ADAM9: variants seen among roughly 807,000 people sequenced by gnomAD.
The protein encoded by ADAM9 is ADAM metallopeptidase domain 9.
ADAM9 carries 54 observed loss-of-function variants against 108.1 expected under a neutral mutation model. The ratio of observed to expected loss-of-function variants is 0.50; its 90% CI spans 0.40 to 0.63. ADAM9 has a LOEUF of 0.63. Ranked by LOEUF, ADAM9 falls within the 20% of genes least tolerant of loss-of-function variation. The probability of loss-of-function intolerance (pLI) is 0.00; values close to 1 mark genes in which losing one functional copy is unlikely to be tolerated. For synonymous variants in ADAM9, 316 were observed against 336.0 expected (o/e 0.94, Z 0.65); for missense variants, 830 against 997.7 (o/e 0.83, Z 2.26).
In ADAM9 at chr8:39,023,210, A is replaced by C; in HGVS notation, c.799A>C (p.Asn267His). The change falls in exon 9 of 22, where the codon AAT becomes CAT. Residue 267 changes from asparagine to histidine, a missense_variant. Asn to His is a moderately conservative substitution (Grantham distance 68). Transcript: ENST00000487273. ...IVLVGLEIWTNGNLINIVGGA... is the reference protein window; with the variant it reads ...IVLVGLEIWTHGNLINIVGGA... The stretch of plus-strand genomic sequence containing the variant: ...GCTAGTTGGACTGGAGATTTGGACC[A>C]ATGGAAACCTGATCAACATAGTTGG... 1 of 1,613,878 alleles carries C rather than the reference A, an allele frequency of 6.2e-7. No individual in the cohort carries two copies. Among genetic ancestry groups the C allele is most frequent in the Non-Finnish European group, 8.5e-7 (1 of 1,179,908 alleles).
intron 11 of ADAM9, among the ~76,000 whole-genome samples, chr8:39,041,495 TC>T (rs11292840): frequency 0.42 from 64,486 of 151,968 alleles, 14,493 homozygotes; most frequent in East Asian, 0.73. Flanking sequence ...TTTGCAGAGC[TC>T]CTAATAAGTG....
chr8:39,099,098 G>A (rs144961028), intron 20 of ADAM9, among the ~76,000 whole-genome samples: 170 of 152,150 alleles, frequency 1.1e-3, no homozygotes, highest in African/African-American at 3.7e-3. Context: ...GTATCACCAC[G>A]GGCCTTCCTT....
At position 39,019,474 on chromosome 8, in the gene ADAM9, C is replaced by G. The variant is rs534436191; in HGVS notation, c.672+556C>G. Among the ~76,000 whole-genome samples, 46 of 152,240 alleles carry G rather than the reference C, an allele frequency of 3.0e-4. No individual in the cohort carries two copies. The Middle Eastern group carries it at 0.017, about 56-fold the overall frequency. ...TTTAACTAAGAGAAGTAATGTGTCC[C>G]TATTTTGGCATTTACAGGATTATCA... On this transcript the variant is annotated intron_variant, in intron 7 of 21. Coordinates refer to ENST00000487273, the MANE Select transcript of ADAM9 (RefSeq NM_003816.3).
At chr8:39,045,014 GTGTATGTGTGTGTGCATACATACATA>G (rs1837591540) in intron 12 of ADAM9, among the ~76,000 whole-genome samples, 1 of 102,572 alleles carries the variant, frequency 9.7e-6, no homozygotes, top group Non-Finnish European at 2.0e-5. Flanking sequence ...ACCTATGTAT[GTGTATGTGTGTGTGCATACATACATA>G]TGTATGTGTA....
In ADAM9 at chr8:39,025,872, C is replaced by T. The variant is rs776927410; in HGVS notation, c.984C>T (p.Gly328=). The T allele has an allele frequency of 4.2e-5, 68 of 1,613,832 alleles. No individual in the cohort carries two copies. The highest frequency in any genetic ancestry group is 8.0e-5 in the African/African-American group (6 of 74,866). Residue 328 remains glycine, a synonymous_variant, in exon 10 of 22, where the codon GGC becomes GGT. Transcript: ENST00000487273. ...CAGTGTGTTCAAGGAGCCACGCAGG[C>T]GGGATTAATGTGGTACGTTGTTCTT... The part of the protein sequence containing the change: ...VGTVCSRSHA[G]GINVFGQITV...
chr8:39,059,624 A>G (rs1283698354), intron 14 of ADAM9, among the ~76,000 whole-genome samples: 1 of 152,248 alleles, frequency 6.6e-6, no homozygotes, highest in Non-Finnish European at 1.5e-5. Flanking sequence ...ATGGGACACA[A>G]ATATCTTTGC....
intron 16 of ADAM9, among the ~76,000 whole-genome samples, chr8:39,078,129 G>T (rs897376331): frequency 6.6e-6 from 1 of 151,886 alleles, no homozygotes; most frequent in African/African-American, 2.4e-5. Flanking sequence ...GGGCCTTCAA[G>T]TTACTTCACT....
At chr8:39,091,413 A>G (rs1462695606) in intron 20 of ADAM9, 67 bp downstream of exon 20, 11 of 1,352,874 alleles carry the variant, frequency 8.1e-6, no homozygotes, top group Non-Finnish European at 1.1e-6. Context: ...AGGATTAAAA[A>G]CACAGTTATA....
chr8:39,070,646 T>C (rs145724398), intron 14 of ADAM9, among the ~76,000 whole-genome samples: 5 of 151,886 alleles, frequency 3.3e-5, no homozygotes, highest in Non-Finnish European at 7.4e-5. Context: ...TAGTTCTAGC[T>C]GTTTGGGAGG....
At position 39,017,205 on chromosome 8, in the gene ADAM9, A is replaced by T; in HGVS notation, c.411-14A>T. On this transcript the variant is annotated splice_polypyrimidine_tract_variant and intron_variant, in intron 5 of 21. Coordinates refer to ENST00000487273, the MANE Select transcript of ADAM9 (RefSeq NM_003816.3). ...TTTTTCTTAAAATTTGTATACGTGTAATGCAACATTCAGAGGATTGCTGCA... is the reference window on the plus strand; with the variant it reads ...TTTTTCTTAAAATTTGTATACGTGTTATGCAACATTCAGAGGATTGCTGCA... 6.2e-7 allele frequency: 1 copy of T among 1,614,006 alleles called. No homozygotes were observed. Among genetic ancestry groups the T allele is most frequent in the Non-Finnish European group, 8.5e-7 (1 of 1,179,878 alleles).
intron 1 of ADAM9, among the ~76,000 whole-genome samples, chr8:39,007,260 T>C (rs1223741916): frequency 2.0e-5 from 3 of 152,170 alleles, no homozygotes; most frequent in Non-Finnish European, 2.9e-5. Context: ...CTCTTTCTCC[T>C]ACCCTGGCCC....
intron 18 of ADAM9, among the ~76,000 whole-genome samples, chr8:39,086,948 T>A (rs1839197543): frequency 6.6e-6 from 1 of 152,244 alleles, no homozygotes. Flanking sequence ...CCTAGTCCTG[T>A]GTGAGCTGTG....
chr8:39,028,317 A>G (rs554224092), intron 11 of ADAM9, among the ~76,000 whole-genome samples: 2 of 152,206 alleles, frequency 1.3e-5, no homozygotes, highest in Non-Finnish European at 2.9e-5. Context: ...TAGGCTCAAA[A>G]ATAGATATGG....
In ADAM9 at chr8:39,090,124, A is replaced by G. The variant is rs1001016233; in HGVS notation, c.2146A>G (p.Ile716Val). ...IVPLIVCAIFIFIKRDQLWRS... is the reference protein window; with the variant it reads ...IVPLIVCAIFVFIKRDQLWRS... Reference sequence around the variant, plus strand: ...TCCCCTTATTGTCTGTGCTATTTTTATCTTCATCAAGAGGGATCAACTGTG... The same window carrying G: ...TCCCCTTATTGTCTGTGCTATTTTTGTCTTCATCAAGAGGGATCAACTGTG... The change falls in exon 19 of 22, where the codon ATC becomes GTC. Residue 716 changes from isoleucine to valine, a missense_variant. Physicochemically the swap from Ile to Val is conservative, Grantham distance 29. Transcript: ENST00000487273. The G allele has an allele frequency of 6.8e-6, 11 of 1,613,920 alleles. No homozygotes were observed. In the East Asian group the frequency reaches 1.1e-4, roughly 16 times the overall value.
Position 39,082,604 on chromosome 8 carries a change from A to T in ADAM9, c.1882-37A>T, listed in dbSNP as rs755567546. The T allele has an allele frequency of 2.3e-5, 36 of 1,547,552 alleles. No individual in the cohort carries two copies. The Admixed American group carries it at 2.4e-4, about 10-fold the overall frequency. On this transcript the variant is annotated intron_variant, in intron 16 of 21. Transcript: ENST00000487273. ...TGGGTACTTTTTAATGACTGTGCTC[A>T]ATCTTTCTTTACTTAGTTCATTTTT...
In ADAM9 at chr8:39,053,493, G is replaced by T. The variant is rs1467928727; in HGVS notation, c.1303-988G>T. Among the ~76,000 whole-genome samples, 4 of 152,092 alleles carry T rather than the reference G, an allele frequency of 2.6e-5. No individual in the cohort carries two copies. In the South Asian group the frequency reaches 8.3e-4, roughly 32 times the overall value. ...TTGACTTTTTTTGGGTATATTTCAA[G>T]ATGTACATTAAAGTTCATTTATTTT... On this transcript the variant is annotated intron_variant, in intron 12 of 21. Coordinates refer to ENST00000487273, the MANE Select transcript of ADAM9 (RefSeq NM_003816.3).
intron 1 of ADAM9, among the ~76,000 whole-genome samples, chr8:39,000,318 A>G (rs987407651): frequency 4.6e-5 from 7 of 152,168 alleles, no homozygotes; most frequent in Non-Finnish European, 8.8e-5. Flanking sequence ...GAATGGGTCT[A>G]ATGTGGACCC....
intron 1 of ADAM9, among the ~76,000 whole-genome samples, chr8:39,004,301 T>G (rs1418735180): frequency 6.6e-6 from 1 of 151,938 alleles, no homozygotes; most frequent in African/African-American, 2.4e-5. Flanking sequence ...GCAGCCTTGA[T>G]CTCCCAGGCT....
intron 20 of ADAM9, 36 bp from the exon 21 acceptor site, chr8:39,101,827 A>G (rs780903362): frequency 2.0e-6 from 3 of 1,482,486 alleles, no homozygotes; most frequent in Non-Finnish European, 1.9e-6. Flanking sequence ...TTATGAGCAC[A>G]TAGTGGTAAT....
Sources: allele counts gnomAD v4.1 joint callset (sites outside exome capture counted in the v4.1 genomes callset), GRCh38; gene constraint gnomAD v4.1.1; transcripts MANE v1.5; gene names NCBI Gene and HGNC (gene_info 2026-07-23, HGNC 2026-07-21).